The following UPP2 variants were observed in gnomAD, a reference collection of about 807,000 sequenced individuals.
UPP2 encodes the protein uridine phosphorylase 2.
A neutral mutation model predicts 26.7 loss-of-function variants in UPP2; 23 were observed. The observed-to-expected ratio is 0.86, with a 90% confidence interval of 0.62 to 1.22. UPP2 has a LOEUF of 1.22. UPP2 is among the 50% of genes most tolerant of loss of function. The pLI, the probability that UPP2 is intolerant of heterozygous loss-of-function variation, is 0.00. For synonymous variants in UPP2, 127 were observed against 141.3 expected, an observed-to-expected ratio of 0.90 and a Z score of 0.72; for missense variants, 387 against 396.7, an observed-to-expected ratio of 0.98 and a Z score of 0.21.
At chr2:158,114,626 T>G (rs181055474) in intron 2 of UPP2, among the ~76,000 whole-genome samples, 3 of 152,334 alleles carry the variant, frequency 2.0e-5, no homozygotes, top group Admixed American at 6.5e-5. Context: ...AATTTTAAGT[T>G]CACATACTCC....
chr2:157,999,228 G>A (rs1241107914), intron 2 of UPP2, among the ~76,000 whole-genome samples: 1 of 152,094 alleles, frequency 6.6e-6, no homozygotes, highest in Non-Finnish European at 1.5e-5. Context: ...GCCCAGGCTG[G>A]AGTGCAATGG....
intron 2 of UPP2, among the ~76,000 whole-genome samples, chr2:158,000,542 A>G (rs953471574): frequency 6.6e-6 from 1 of 152,120 alleles, no homozygotes; most frequent in African/African-American, 2.4e-5. Context: ...CTCTTTGCTG[A>G]TGCTAAATGA....
chr2:158,052,873 G>A lies in UPP2; in HGVS notation c.147+36987G>A, dbSNP rs375169166. On this transcript the variant is annotated intron_variant, in intron 3 of 9. Coordinates refer to the UPP2 transcript ENST00000605860. Reference sequence around the variant, plus strand: ...TCTGCCATTATAGTCTGAAAACAGCGACAAACAATACATACAAGTATGAAC... The same window carrying A: ...TCTGCCATTATAGTCTGAAAACAGCAACAAACAATACATACAAGTATGAAC... 2.6e-4 allele frequency among the ~76,000 whole-genome samples: 39 copies of A among 152,236 alleles called. No homozygotes were observed. In the South Asian group the frequency reaches 7.1e-3, roughly 28 times the overall value.
rs1017570111 is a variant in UPP2 at position 158,049,659 on chromosome 2, C to A, written c.147+33773C>A. On this transcript the variant is annotated intron_variant, in intron 3 of 9. Coordinates refer to the UPP2 transcript ENST00000605860. ...GCAGCAATCAGACTAATACACTCTG[C>A]GGGGAGGAGGAGCGCCAGGCACTTT... is the stretch of plus-strand genomic sequence containing the variant. Among the ~76,000 whole-genome samples, 35 of 152,078 alleles carry A rather than the reference C, an allele frequency of 2.3e-4. 1 individual carries two copies. The highest frequency in any genetic ancestry group is 4.4e-5 in the Non-Finnish European group (3 of 68,020).
chr2:158,080,000 A>T (rs976128579), intron 3 of UPP2, among the ~76,000 whole-genome samples: 2 of 152,116 alleles, frequency 1.3e-5, no homozygotes, highest in Non-Finnish European at 2.9e-5. Context: ...GCTTAGATCC[A>T]CACAGCCACA....
At chr2:158,037,137 G>C (rs1684014684) in intron 3 of UPP2, among the ~76,000 whole-genome samples, 1 of 152,158 alleles carries the variant, frequency 6.6e-6, no homozygotes, top group Non-Finnish European at 1.5e-5. Context: ...CACTTTGGGA[G>C]GCTAAGGTGG....
At chr2:158,103,015 T>G (rs1683107088) in intron 1 of UPP2, among the ~76,000 whole-genome samples, 1 of 152,214 alleles carries the variant, frequency 6.6e-6, no homozygotes, top group South Asian at 2.1e-4. Context: ...CTATTCTATG[T>G]GTTAGGAAAA....
chr2:158,012,263 CTTTTTTTTTTTTT>C (rs34807293), intron 2 of UPP2, among the ~76,000 whole-genome samples: 4 of 81,584 alleles, frequency 4.9e-5, no homozygotes, highest in Admixed American at 2.0e-4. Flanking sequence ...TTGTTTCTAC[CTTTTTTTTTTTTT>C]TTTTTTTTTT....
intron 3 of UPP2, among the ~76,000 whole-genome samples, chr2:158,070,608 G>A (rs1682523457): frequency 6.6e-6 from 1 of 152,192 alleles, no homozygotes; most frequent in Admixed American, 6.5e-5. Context: ...TTTATGGGGG[G>A]CGGAGCAAGG....
intron 3 of UPP2, among the ~76,000 whole-genome samples, chr2:158,025,755 A>C (rs1032215771): frequency 6.6e-6 from 1 of 152,186 alleles, no homozygotes; most frequent in Non-Finnish European, 1.5e-5. Context: ...ATCTGTGTAA[A>C]ATTAGTTCAG....
At chr2:158,087,056 T>C (rs896000371) in intron 3 of UPP2, among the ~76,000 whole-genome samples, 9 of 152,288 alleles carry the variant, frequency 5.9e-5, no homozygotes, top group South Asian at 2.1e-4. Flanking sequence ...CTTTCTGTCA[T>C]GATGACGTGT....
chr2:158,130,224 C>T (rs1172665357), intron 6 of UPP2, among the ~76,000 whole-genome samples: 3 of 151,998 alleles, frequency 2.0e-5, no homozygotes, highest in Non-Finnish European at 2.9e-5. Context: ...GGGCAAATCA[C>T]GAAGTCAGGA....
At chr2:158,116,706 T>A (rs1273501013) in intron 3 of UPP2, among the ~76,000 whole-genome samples, 2 of 152,182 alleles carry the variant, frequency 1.3e-5, no homozygotes, top group East Asian at 3.8e-4. Context: ...ATCTAATAGA[T>A]CAAATAATAG....
chr2:158,048,616 CACA>C (rs1317260018), intron 3 of UPP2, among the ~76,000 whole-genome samples: 1 of 152,268 alleles, frequency 6.6e-6, no homozygotes, highest in African/African-American at 2.4e-5. Context: ...ACAACACTAC[CACA>C]ACAACAACAA....
intron 2 of UPP2, among the ~76,000 whole-genome samples, chr2:158,109,798 C>T (rs529467212): frequency 5.9e-5 from 9 of 152,238 alleles, no homozygotes; most frequent in Admixed American, 2.6e-4. Context: ...TTAATACATA[C>T]GGTGGAAGAT....
At chr2:158,103,147 C>T (rs2105211465) in intron 1 of UPP2, among the ~76,000 whole-genome samples, 1 of 152,148 alleles carries the variant, frequency 6.6e-6, no homozygotes, top group East Asian at 1.9e-4. Flanking sequence ...GCATGAAATC[C>T]CAAACAAGTT....
rs561336684 is a variant in UPP2, at chr2:158,125,331, T to C, written c.811+1436T>C. On this transcript the variant is annotated intron_variant, in intron 6 of 6. Coordinates refer to ENST00000005756, the MANE Select transcript of UPP2 (RefSeq NM_173355.4). ...CTAAGGAGATTAATTGTTGAACCAC[T>C]ATCCTTAACTACTTGCATCTGTCAG... 3.9e-5 allele frequency among the ~76,000 whole-genome samples: 6 copies of C among 152,204 alleles called. No individual in the cohort carries two copies. The South Asian group carries it at 1.2e-3, about 32-fold the overall frequency.
chr2:158,077,661 C>T (rs192284149), intron 3 of UPP2, among the ~76,000 whole-genome samples: 75 of 152,142 alleles, frequency 4.9e-4, no homozygotes, highest in Middle Eastern at 6.8e-3. Flanking sequence ...AGACTTAAAT[C>T]GAAGACCTAA....
intron 3 of UPP2, among the ~76,000 whole-genome samples, chr2:158,062,820 C>A (rs1456955011): frequency 6.6e-6 from 1 of 152,212 alleles, no homozygotes; most frequent in Non-Finnish European, 1.5e-5. Context: ...GGAGATCCAG[C>A]ATACTGGCAT....
Sources: gnomAD v4.1 joint callset for allele counts (sites outside exome capture counted in the v4.1 genomes callset) on GRCh38, gnomAD v4.1.1 for gene constraint, MANE v1.5 for transcripts, NCBI Gene and HGNC (gene_info 2026-07-23, HGNC 2026-07-21) for gene names.